FMO3: variants seen among roughly 807,000 people sequenced by gnomAD.
FMO3 encodes flavin containing dimethylaniline monoxygenase 3.
A neutral mutation model predicts 39.4 loss-of-function variants in FMO3; 40 were observed. That is an observed-to-expected ratio of 1.02 (90% CI 0.79 to 1.32). The LOEUF (loss-of-function observed/expected upper bound fraction) is 1.32, where lower values mean the gene tolerates loss of function less well. Among genes scored for constraint, FMO3 ranks in the 40% most tolerant of loss-of-function variants. The probability of loss-of-function intolerance (pLI) is 0.00; values close to 1 mark genes in which losing one functional copy is unlikely to be tolerated. For synonymous variants in FMO3, 219 were observed against 228.8 expected (o/e 0.96, Z 0.39); for missense variants, 680 against 651.8 (o/e 1.04, Z -0.47).
rs1245750751 is a variant in FMO3 at position 171,116,247 on chromosome 1, A to G, written c.1223A>G (p.Asp408Gly). ...TLPSMEDMMN[D>G]INEKMEKKRK... ...CCTTCTATGGAAGACATGATGAATGATATTAATGAGAAAATGGAGAAAAAG... is the reference window on the plus strand; with the variant it reads ...CCTTCTATGGAAGACATGATGAATGGTATTAATGAGAAAATGGAGAAAAAG... The change falls in exon 8 of 9, where the codon GAT becomes GGT. Residue 408 changes from aspartate to glycine, a missense_variant. By Grantham distance (94) the Asp-to-Gly change is moderately conservative (BLOSUM62 -1). Transcript: ENST00000367755. 6.2e-7 allele frequency: 1 copy of G among 1,605,102 alleles called. No individual in the cohort carries two copies. Among genetic ancestry groups the G allele is most frequent in the South Asian group, 1.1e-5 (1 of 90,812 alleles).
chr1:171,102,717 AAAGAACCAC>A (rs1446453561), intron 2 of FMO3, among the ~76,000 whole-genome samples: 2 of 152,218 alleles, frequency 1.3e-5, no homozygotes, highest in Admixed American at 1.3e-4. Context: ...GTGTGTGGCT[AAAGAACCAC>A]AACACAATAT....
At chr1:171,097,866 C>T (rs1223825387) in intron 2 of FMO3, among the ~76,000 whole-genome samples, 3 of 152,008 alleles carry the variant, frequency 2.0e-5, no homozygotes, top group Non-Finnish European at 2.9e-5. Context: ...AGTCCTTGCC[C>T]GTGCCTATGT....
chr1:171,101,607 C>T, intron 2 of FMO3: 1 of 458,744 alleles, frequency 2.2e-6, no homozygotes. Flanking sequence ...ACTAAGGGTG[C>T]ATATAGTTGA....
At chr1:171,095,996 T>TA (rs1654968271) in intron 2 of FMO3, among the ~76,000 whole-genome samples, 1 of 26,892 alleles carries the variant, frequency 3.7e-5, no homozygotes, top group East Asian at 8.8e-4. Context: ...TTTATATATT[T>TA]TTATATATTA....
intron 3 of FMO3, among the ~76,000 whole-genome samples, chr1:171,106,013 C>A (rs1655619024): frequency 6.6e-6 from 1 of 152,116 alleles, no homozygotes; most frequent in East Asian, 1.9e-4. Flanking sequence ...AACTTTCCAA[C>A]TCTTATTATA....
Position 171,111,098 on chromosome 1 carries a change from A to G in FMO3, c.827+101A>G, listed in dbSNP as rs28363566. ...AAAACAAATCAAAGTATTAGCAATC[A>G]CAACTCATATATCAGAAGATAAAGA... On this transcript the variant is annotated intron_variant, in intron 6 of 8. Coordinates refer to ENST00000367755, the MANE Select transcript of FMO3 (RefSeq NM_001002294.3). The G allele has an allele frequency of 9.1e-4, 816 of 898,006 alleles. 2 individuals carry two copies. The African/African-American group carries it at 0.012, about 13-fold the overall frequency. 55.6% of individuals were successfully genotyped at this position (898,006 alleles called of 1,614,324 possible). A position where few individuals can be genotyped will look rare whatever the true frequency, so the allele number is the denominator to read the frequency against.
intron 1 of FMO3, among the ~76,000 whole-genome samples, chr1:171,092,068 G>C (rs1654740729): frequency 6.6e-6 from 1 of 151,962 alleles, no homozygotes; most frequent in Admixed American, 6.6e-5. Flanking sequence ...AAATGACAAA[G>C]TCCAAAAGCA....
chr1:171,108,882 G>A (rs898537727), intron 5 of FMO3, among the ~76,000 whole-genome samples: 1 of 152,140 alleles, frequency 6.6e-6, no homozygotes, highest in African/African-American at 2.4e-5. Flanking sequence ...AAAGGAGGTA[G>A]AATAGAACCA....
chr1:171,114,057 T>G lies in FMO3; in HGVS notation c.878T>G (p.Leu293Arg). 1 of 1,612,646 alleles carries G rather than the reference T, an allele frequency of 6.2e-7. No individual in the cohort carries two copies. The highest frequency in any genetic ancestry group is 8.5e-7 in the Non-Finnish European group (1 of 1,179,092). ...AACGATGAGCTCCCAGCAAGCATTC[T>G]GTGTGGCATTGTGTCCGTAAAGCCT... ...VFNDELPASI[L>R]CGIVSVKPNV... Residue 293 changes from leucine to arginine, a missense_variant, in exon 7 of 9, where the codon CTG becomes CGG. Physicochemically the swap from Leu to Arg is moderately radical, Grantham distance 102 (BLOSUM62 -2). Transcript: ENST00000367755.
intron 2 of FMO3, among the ~76,000 whole-genome samples, chr1:171,103,498 A>C (rs1395990186): frequency 6.6e-6 from 1 of 152,226 alleles, no homozygotes; most frequent in East Asian, 1.9e-4. Flanking sequence ...AAAAAATCAA[A>C]ATCAAAATCA....
intron 2 of FMO3, among the ~76,000 whole-genome samples, chr1:171,093,484 T>A (rs1053352109): frequency 7.2e-6 from 1 of 139,484 alleles, no homozygotes; most frequent in Non-Finnish European, 1.5e-5. Context: ...CTGGGTAGTA[T>A]TCCATGGTGT....
chr1:171,109,278 G>A (rs1460091857), intron 5 of FMO3, among the ~76,000 whole-genome samples: 1 of 152,114 alleles, frequency 6.6e-6, no homozygotes, highest in African/African-American at 2.4e-5. Flanking sequence ...TCATAGGATT[G>A]CGTTACAGGA....
intron 2 of FMO3, among the ~76,000 whole-genome samples, chr1:171,095,387 A>G (rs1156478275): frequency 1.3e-5 from 2 of 152,174 alleles, no homozygotes; most frequent in Admixed American, 1.3e-4. Context: ...GTTGCCAAAC[A>G]GCAGCAGGAA....
At chr1:171,104,784 G>T (rs1317625322) in intron 3 of FMO3, among the ~76,000 whole-genome samples, 1 of 152,114 alleles carries the variant, frequency 6.6e-6, no homozygotes, top group Non-Finnish European at 1.5e-5. Flanking sequence ...TGAGGTGGGA[G>T]GATTGCTTGA....
chr1:171,101,807 C>G, intron 2 of FMO3: 1 of 498,558 alleles, frequency 2.0e-6, no homozygotes, highest in South Asian at 1.5e-5. Flanking sequence ...AAAATGTCCT[C>G]TTTTCTCAGG....
At chr1:171,111,244 C>CT (rs1223589748) in intron 6 of FMO3, among the ~76,000 whole-genome samples, 5 of 152,146 alleles carry the variant, frequency 3.3e-5, no homozygotes, top group African/African-American at 7.2e-5. Flanking sequence ...AAGTTAACCT[C>CT]TTTTAAGCAT....
At chr1:171,112,806 C>T (rs1270328620) in intron 6 of FMO3, among the ~76,000 whole-genome samples, 1 of 152,010 alleles carries the variant, frequency 6.6e-6, no homozygotes, top group Non-Finnish European at 1.5e-5. Flanking sequence ...TTGAAGAATG[C>T]ATGTAAATGG....
chr1:171,098,584 CTTTG>C (rs1353754918), intron 2 of FMO3, among the ~76,000 whole-genome samples: 5 of 152,030 alleles, frequency 3.3e-5, no homozygotes, highest in Non-Finnish European at 5.9e-5. Context: ...TGATTTGGCT[CTTTG>C]TTTGTCTGTT....
At chr1:171,096,424 TAATA>T (rs1324018089) in intron 2 of FMO3, among the ~76,000 whole-genome samples, 2 of 102,856 alleles carry the variant, frequency 1.9e-5, no homozygotes, top group African/African-American at 4.0e-5. Flanking sequence ...ATGTTATATA[TAATA>T]TATATTACAT....
Sources: gnomAD v4.1 joint callset for allele counts (sites outside exome capture counted in the v4.1 genomes callset) on GRCh38, gnomAD v4.1.1 for gene constraint, MANE v1.5 for transcripts, NCBI Gene and HGNC (gene_info 2026-07-23, HGNC 2026-07-21) for gene names.